Variants in TRHDE observed in about 807,000 individuals in gnomAD.
TRHDE encodes thyrotropin-releasing hormone-degrading ectoenzyme.
TRHDE carries 72 observed loss-of-function variants against 125.7 expected under a neutral mutation model. The observed-to-expected ratio is 0.57, with a 90% CI of 0.47 to 0.70. The LOEUF is 0.70. TRHDE is among the 30% of genes least tolerant of loss of function. The pLI is 0.00. For missense variants in TRHDE, 1,110 were observed against 1,327.1 expected, an observed-to-expected ratio of 0.84 and a Z score of 2.54; for synonymous variants, 509 against 509.1, an observed-to-expected ratio of 1.00 and a Z score of 0.00.
At chr12:72,241,018 T>A (rs1442966160) in intron 2 of TRHDE, among the ~76,000 whole-genome samples, 1 of 150,522 alleles carries the variant, frequency 6.6e-6, no homozygotes, top group African/African-American at 2.4e-5. Context: ...ATTGTGTGCC[T>A]ATAGTGATCA....
chr12:72,619,138 G>A, intron 13 of TRHDE, 100 bp downstream of exon 13: 1 of 931,814 alleles, frequency 1.1e-6, no homozygotes, highest in Admixed American at 3.9e-5. Context: ...ATTTTAGTTT[G>A]TTCTTCTAGT....
At chr12:72,436,808 A>T (rs1389447946) in intron 3 of TRHDE, among the ~76,000 whole-genome samples, 14 of 151,862 alleles carry the variant, frequency 9.2e-5, no homozygotes. Flanking sequence ...GACAGGTGAA[A>T]AATACAGTAT....
At chr12:72,248,838 G>A (rs950188616) in intron 2 of TRHDE, among the ~76,000 whole-genome samples, 1 of 152,170 alleles carries the variant, frequency 6.6e-6, no homozygotes, top group African/African-American at 2.4e-5. Context: ...TGAAATCTAG[G>A]CAGTTTTCTA....
chr12:72,341,476 A>C (rs1870084844), intron 2 of TRHDE, among the ~76,000 whole-genome samples: 1 of 152,082 alleles, frequency 6.6e-6, no homozygotes, highest in African/African-American at 2.4e-5. Flanking sequence ...TGTTATTTGC[A>C]AATAATTTTC....
chr12:72,167,894 G>C (rs1189674209), intron 2 of TRHDE, among the ~76,000 whole-genome samples: 2 of 152,146 alleles, frequency 1.3e-5, no homozygotes, highest in African/African-American at 4.8e-5. Context: ...AGAGAAGACT[G>C]TGTCCTCCAG....
At chr12:72,165,964 C>T (rs556682924) in intron 2 of TRHDE, among the ~76,000 whole-genome samples, 13 of 152,042 alleles carry the variant, frequency 8.6e-5, no homozygotes, top group Admixed American at 2.6e-4. Context: ...TGTGAGCCAC[C>T]GCCCCCGGCC....
At chr12:72,233,435 C>T (rs536653008) in intron 2 of TRHDE, among the ~76,000 whole-genome samples, 7 of 152,234 alleles carry the variant, frequency 4.6e-5, no homozygotes, top group South Asian at 2.1e-4. Flanking sequence ...AGAAGTGACT[C>T]GAGATGGCTA....
Position 72,272,501 on chromosome 12 carries a change from C to G in TRHDE, c.-143C>G. On this transcript the variant is annotated 5_prime_UTR_variant, in exon 1 of 19. Coordinates refer to ENST00000261180, the MANE Select transcript of TRHDE (RefSeq NM_013381.3). The surrounding 1 kb of genome is among the most constrained non-coding windows in gnomAD (Gnocchi z 6.7). ...GCTGCCGTCGCTTGTGTCCAGAACC[C>G]GTCTTAAAAGAACCCGGGCCAGCAT... 1 of 547,910 alleles carries G rather than the reference C, an allele frequency of 1.8e-6. No individual in the cohort carries two copies. The highest frequency in any genetic ancestry group is 3.2e-6 in the Non-Finnish European group (1 of 308,730). The allele number at this position is 547,910 out of a possible 1,614,324, so 33.9% of individuals were successfully genotyped here. A position where few individuals can be genotyped will look rare whatever the true frequency, so the allele number is the denominator to read the frequency against.
chr12:72,525,664 T>G (rs1868321768), intron 6 of TRHDE, among the ~76,000 whole-genome samples: 1 of 149,258 alleles, frequency 6.7e-6, no homozygotes, highest in Non-Finnish European at 1.5e-5. Context: ...AGAAAGTTGG[T>G]GATTTTTCGG....
chr12:72,441,570 G>A (rs1875014731), intron 3 of TRHDE, among the ~76,000 whole-genome samples: 1 of 151,838 alleles, frequency 6.6e-6, no homozygotes, highest in Non-Finnish European at 1.5e-5. Flanking sequence ...TCCTTCTGGA[G>A]AATCTCTGAA....
intron 2 of TRHDE, among the ~76,000 whole-genome samples, chr12:72,115,948 T>C (rs528606852): frequency 6.6e-6 from 1 of 152,282 alleles, no homozygotes; most frequent in East Asian, 1.9e-4. Context: ...CCTATCAACC[T>C]GTCATCTAGG....
chr12:72,376,461 G>A lies in TRHDE; in HGVS notation c.1189-1534G>A, dbSNP rs907007324. On this transcript the variant is annotated intron_variant, in intron 2 of 18. Coordinates refer to ENST00000261180, the MANE Select transcript of TRHDE (RefSeq NM_013381.3). ...GTGTCAAGTTCTGCTGTTGCAGGTA[G>A]TCTCTCCTGATAGTTTTTGGTTTTC... 3.9e-5 allele frequency among the ~76,000 whole-genome samples: 6 copies of A among 152,256 alleles called. No individual in the cohort carries two copies. The South Asian group carries it at 6.2e-4, about 16-fold the overall frequency.
chr12:72,193,214 G>A (rs901868229), intron 2 of TRHDE, among the ~76,000 whole-genome samples: 3 of 151,618 alleles, frequency 2.0e-5, no homozygotes, highest in African/African-American at 7.3e-5. Flanking sequence ...AGCCTCTGAT[G>A]AATTCCATAA....
In TRHDE at chr12:72,340,621, G is replaced by A. The variant is rs1443739172; in HGVS notation, c.1189-37374G>A. ...CACTCTATGCTGTTGTCCTGCCGTGGGTGGCTTACAGTCTCAAAGCCACTT... is the reference window on the plus strand; with the variant it reads ...CACTCTATGCTGTTGTCCTGCCGTGAGTGGCTTACAGTCTCAAAGCCACTT... On this transcript the variant is annotated intron_variant, in intron 2 of 18. Transcript: ENST00000261180. Among the ~76,000 whole-genome samples the A allele has an allele frequency of 2.0e-5, 3 of 151,972 alleles. No homozygotes were observed. In the East Asian group the frequency reaches 5.8e-4, roughly 30 times the overall value.
intron 12 of TRHDE, among the ~76,000 whole-genome samples, chr12:72,586,450 T>G (rs1873347): frequency 0.27 from 40,335 of 152,066 alleles, 8,138 homozygotes; most frequent in African/African-American, 0.54. Context: ...TGGAGTATCA[T>G]TGAAGAGGCC....
chr12:72,591,267 C>G (rs1871667098), intron 12 of TRHDE, among the ~76,000 whole-genome samples: 1 of 152,118 alleles, frequency 6.6e-6, no homozygotes, highest in Non-Finnish European at 1.5e-5. Context: ...TGGACACAAC[C>G]AATCCATATC....
intron 2 of TRHDE, among the ~76,000 whole-genome samples, chr12:72,323,923 C>G (rs1869219491): frequency 6.6e-6 from 1 of 152,152 alleles, no homozygotes; most frequent in East Asian, 1.9e-4. Context: ...GAATGACCAT[C>G]TCAGTCACAG....
intron 15 of TRHDE, among the ~76,000 whole-genome samples, chr12:72,623,462 A>T (rs896951840): frequency 6.6e-6 from 1 of 152,084 alleles, no homozygotes; most frequent in Admixed American, 6.6e-5. Context: ...TTTTAGAAAT[A>T]TAGCTGTTGG....
chr12:72,655,501 C>T (rs759956933), intron 17 of TRHDE, among the ~76,000 whole-genome samples: 1 of 152,114 alleles, frequency 6.6e-6, no homozygotes, highest in Non-Finnish European at 1.5e-5. Context: ...CAGAACTACT[C>T]CATGGTCAAT....
Sources: gnomAD v4.1 joint callset for allele counts (sites outside exome capture counted in the v4.1 genomes callset) on GRCh38, gnomAD v4.1.1 for gene constraint, Gnocchi (gnomAD v3.1) non-coding constraint, MANE v1.5 for transcripts, NCBI Gene and HGNC (gene_info 2026-07-23, HGNC 2026-07-21) for gene names.